Variants in RPTOR observed in about 807,000 individuals in gnomAD.
RPTOR encodes the protein regulatory-associated protein of mTOR.
Under a neutral mutation model 169.9 loss-of-function variants are expected in RPTOR, and 21 were observed. The ratio of observed to expected loss-of-function variants is 0.12; its 90% CI spans 0.09 to 0.18. The LOEUF (loss-of-function observed/expected upper bound fraction) is 0.18, where lower values mean the gene tolerates loss of function less well. Ranked by LOEUF, RPTOR falls within the 10% of genes least tolerant of loss-of-function variation. The pLI is 1.00. For missense variants in RPTOR, 1,133 were observed against 1,855.9 expected (o/e 0.61, Z 7.16); for synonymous variants, 732 against 753.2 (o/e 0.97, Z 0.46).
At chr17:80,757,322 C>T (rs1234510008) in intron 6 of RPTOR, among the ~76,000 whole-genome samples, 2 of 152,186 alleles carry the variant, frequency 1.3e-5, no homozygotes, top group Non-Finnish European at 2.9e-5. Context: ...TCCAGTGAGG[C>T]GGAAGACCCT....
chr17:80,855,424 T>C (rs761443050), intron 11 of RPTOR, 40 bp from the exon 12 acceptor site: 1 of 1,462,258 alleles, frequency 6.8e-7, no homozygotes, highest in Admixed American at 1.7e-5. Flanking sequence ...TGCACACCAG[T>C]ATGGTTTGCA....
At chr17:80,653,608 T>A (rs994225790) in intron 3 of RPTOR, among the ~76,000 whole-genome samples, 2 of 152,170 alleles carry the variant, frequency 1.3e-5, no homozygotes, top group Non-Finnish European at 2.9e-5. Context: ...TGGGTGCAGC[T>A]TGGAGGCTCA....
chr17:80,942,932 T>C (rs935289503), intron 25 of RPTOR, among the ~76,000 whole-genome samples: 12 of 152,252 alleles, frequency 7.9e-5, no homozygotes, highest in African/African-American at 2.9e-4. Flanking sequence ...TCCCTGCAGC[T>C]GGGAATGGAG....
Position 80,942,760 on chromosome 17 carries a change from T to C in RPTOR, c.3025+2159T>C, listed in dbSNP as rs368815586. Among the ~76,000 whole-genome samples the C allele has an allele frequency of 4.6e-5, 7 of 152,378 alleles. No homozygotes were observed. The East Asian group carries it at 1.2e-3, about 25-fold the overall frequency. On this transcript the variant is annotated intron_variant, in intron 25 of 33. Coordinates refer to ENST00000306801, the MANE Select transcript of RPTOR (RefSeq NM_020761.3). ...CCAGGAGACGGGGTTGGGAAAGCCC[T>C]GTGTCACGCAGGCCCCTGCCCGGCT...
chr17:80,807,438 C>T (rs2067229595), intron 7 of RPTOR, among the ~76,000 whole-genome samples: 1 of 152,138 alleles, frequency 6.6e-6, no homozygotes, highest in Non-Finnish European at 1.5e-5. Flanking sequence ...GCAACCTCCA[C>T]CTCCCAGGTT....
intron 9 of RPTOR, among the ~76,000 whole-genome samples, chr17:80,834,438 C>T (rs1415265928): frequency 6.6e-6 from 1 of 152,214 alleles, no homozygotes; most frequent in African/African-American, 2.4e-5. Flanking sequence ...ACAGCCCTTC[C>T]TCCTGGGCTT....
At chr17:80,561,590 C>T (rs1017709719) in intron 1 of RPTOR, among the ~76,000 whole-genome samples, 9 of 151,988 alleles carry the variant, frequency 5.9e-5, no homozygotes, top group African/African-American at 2.2e-4. Context: ...TGCCACCATG[C>T]CTGGCTGATT....
chr17:80,955,531 A>G (rs530606241), intron 28 of RPTOR, among the ~76,000 whole-genome samples: 10 of 152,358 alleles, frequency 6.6e-5, no homozygotes, highest in Admixed American at 6.5e-5. Context: ...ATTGAGGGTA[A>G]AGACATCAAT....
chr17:80,729,169 A>G (rs1223811979), intron 4 of RPTOR, among the ~76,000 whole-genome samples: 3 of 152,192 alleles, frequency 2.0e-5, no homozygotes, highest in African/African-American at 7.2e-5. Flanking sequence ...CCTGCACGCC[A>G]TACTTCCCCA....
chr17:80,665,842 C>T (rs1227082499), intron 3 of RPTOR, among the ~76,000 whole-genome samples: 1 of 152,118 alleles, frequency 6.6e-6, no homozygotes, highest in East Asian at 1.9e-4. Context: ...CGCGCCCGGC[C>T]CCCCAAAAAT....
At chr17:80,700,516 GATGGTGGTGGTGGTGGTGGT>G (rs2066079383) in intron 3 of RPTOR, among the ~76,000 whole-genome samples, 1 of 122,220 alleles carries the variant, frequency 8.2e-6, no homozygotes, top group African/African-American at 3.4e-5. Context: ...TGGTGATGGT[GATGGTGGTGGTGGTGGTGGT>G]GATGATGATG....
intron 1 of RPTOR, among the ~76,000 whole-genome samples, chr17:80,561,500 C>T (rs987714070): frequency 1.3e-5 from 2 of 151,704 alleles, no homozygotes; most frequent in African/African-American, 2.4e-5. Flanking sequence ...GCACAATCAC[C>T]GCTTACTGTA....
chr17:80,602,566 T>A (rs2065197898), intron 1 of RPTOR: 2 of 592,978 alleles, frequency 3.4e-6, no homozygotes, highest in Admixed American at 3.9e-5. Context: ...TCATCCACAT[T>A]GACTGTCTGT....
At chr17:80,945,180 A>C (rs1324455047) in intron 25 of RPTOR, among the ~76,000 whole-genome samples, 2 of 152,090 alleles carry the variant, frequency 1.3e-5, no homozygotes, top group South Asian at 4.1e-4. Flanking sequence ...CTATGTCCCC[A>C]GCTACATGCA....
chr17:80,832,054 G>C (rs986931623), intron 9 of RPTOR, among the ~76,000 whole-genome samples: 3 of 152,232 alleles, frequency 2.0e-5, no homozygotes, highest in Non-Finnish European at 2.9e-5. Flanking sequence ...ATAAGGGCTT[G>C]AGCCAGGTGG....
chr17:80,807,580 G>A (rs2067231779), intron 7 of RPTOR, among the ~76,000 whole-genome samples: 1 of 152,170 alleles, frequency 6.6e-6, no homozygotes, highest in Non-Finnish European at 1.5e-5. Context: ...TTGAACTCCT[G>A]ACCTCAGGTG....
chr17:80,886,338 G>A lies in RPTOR; in HGVS notation c.1983+1190G>A, dbSNP rs948654563. On this transcript the variant is annotated intron_variant, in intron 17 of 33. Transcript: ENST00000306801. The stretch of plus-strand genomic sequence containing the variant: ...TCATGAGTATGCTACATTTTCTAAC[G>A]AAATCTTGAAAATAGGAAGTGAGGT... 3.9e-5 allele frequency among the ~76,000 whole-genome samples: 6 copies of A among 152,326 alleles called. No individual in the cohort carries two copies. In the South Asian group the frequency reaches 6.2e-4, roughly 16 times the overall value.
chr17:80,887,886 A>G (rs940435508), intron 17 of RPTOR, among the ~76,000 whole-genome samples: 4 of 151,650 alleles, frequency 2.6e-5, no homozygotes, highest in African/African-American at 4.8e-5. Flanking sequence ...TTGAACTTCA[A>G]CCTGTCTTTG....
intron 5 of RPTOR, among the ~76,000 whole-genome samples, chr17:80,732,161 C>T (rs1456267465): frequency 1.3e-5 from 2 of 148,522 alleles, no homozygotes; most frequent in African/African-American, 5.2e-5. Flanking sequence ...TAATAAATAT[C>T]GCAAAAAAAA....
Sources: gnomAD v4.1 joint callset for allele counts (sites outside exome capture counted in the v4.1 genomes callset) on GRCh38, gnomAD v4.1.1 for gene constraint, MANE v1.5 for transcripts, NCBI Gene and HGNC (gene_info 2026-07-23, HGNC 2026-07-21) for gene names.